The following SLCO1C1 variants were observed in gnomAD, a reference collection of about 807,000 sequenced individuals.
The protein encoded by SLCO1C1 is solute carrier organic anion transporter family member 1C1, also known as OAT-RP-5.
Under a neutral mutation model 76.4 loss-of-function variants are expected in SLCO1C1, and 70 were observed. The ratio of observed to expected loss-of-function variants is 0.92; its 90% CI spans 0.76 to 1.12. The LOEUF is 1.12. Among genes scored for constraint, SLCO1C1 ranks in the 50% most tolerant of loss-of-function variants. The probability of loss-of-function intolerance (pLI) is 0.00; values close to 1 mark genes in which losing one functional copy is unlikely to be tolerated. For synonymous variants in SLCO1C1, 306 were observed against 286.1 expected (o/e 1.07, Z -0.70); for missense variants, 912 against 823.8 (o/e 1.11, Z -1.31).
intron 9 of SLCO1C1, among the ~76,000 whole-genome samples, chr12:20,730,027 T>C (rs929925898): frequency 6.6e-6 from 1 of 152,146 alleles, no homozygotes; most frequent in Admixed American, 6.5e-5. Context: ...GGGAGGTCAA[T>C]GGAATCCAAT....
At chr12:20,737,035 A>G (rs192970881) in intron 10 of SLCO1C1, 72 bp from the exon 11 acceptor site, 1 of 1,315,870 alleles carries the variant, frequency 7.6e-7, no homozygotes. Context: ...ACTCAAGAAC[A>G]TTGATTTTTT....
chr12:20,717,252 T>C (rs565104761), intron 7 of SLCO1C1, 22 bp downstream of exon 7: 1 of 1,557,058 alleles, frequency 6.4e-7, no homozygotes, highest in East Asian at 2.3e-5. Context: ...TATTTTTTAT[T>C]TATTCATGTA....
At chr12:20,725,520 T>C (rs1947935372) in intron 9 of SLCO1C1, among the ~76,000 whole-genome samples, 1 of 147,612 alleles carries the variant, frequency 6.8e-6, no homozygotes, top group Admixed American at 6.8e-5. Flanking sequence ...GAAAACAACA[T>C]TCCACATGTA....
chr12:20,743,184 C>T (rs981562501), intron 12 of SLCO1C1, 121 bp from the exon 13 acceptor site: 1 of 904,080 alleles, frequency 1.1e-6, no homozygotes, highest in Non-Finnish European at 1.7e-6. Flanking sequence ...CCAATGGGTT[C>T]AACATAAATG....
rs749926025 is a variant in SLCO1C1 at position 20,699,712 on chromosome 12, C to A, written c.129+7C>A. On this transcript the variant is annotated splice_region_variant and intron_variant, in intron 2 of 14. Coordinates refer to ENST00000266509, the MANE Select transcript of SLCO1C1 (RefSeq NM_017435.5). ...ATGCTGTGGTGAACTAAAGGTAGAG[C>A]AACCAAGAAGTAAATAGTGTTGATG... 8 of 1,604,264 alleles carry A rather than the reference C, an allele frequency of 5.0e-6. No individual in the cohort carries two copies. Among genetic ancestry groups the A allele is most frequent in the Non-Finnish European group, 6.8e-6 (8 of 1,176,170 alleles).
intron 9 of SLCO1C1, 56 bp downstream of exon 9, chr12:20,723,310 T>C: frequency 6.4e-7 from 1 of 1,558,058 alleles, no homozygotes; most frequent in Non-Finnish European, 8.6e-7. Context: ...AGGTACCTGA[T>C]TAACTCGGGA....
At position 20,750,694 on chromosome 12, in the gene SLCO1C1, G is replaced by C; in HGVS notation, c.1818G>C (p.Val606=). Residue 606 remains valine (V), a synonymous_variant, in exon 14 of 15, where the codon GTG becomes GTC. Transcript: ENST00000266509. ...TCACAGCAGGAATCCCAGCTCCAGT[G>C]TATTTTGGAGTTTTGATTGATACTT... ...IRVLAGIPAP[V]YFGVLIDTSC... 6.2e-7 allele frequency: 1 copy of C among 1,613,954 alleles called. No homozygotes were observed. Among genetic ancestry groups the C allele is most frequent in the Non-Finnish European group, 8.5e-7 (1 of 1,179,872 alleles).
chr12:20,703,438 T>C (rs908370364), intron 3 of SLCO1C1, among the ~76,000 whole-genome samples: 3 of 151,790 alleles, frequency 2.0e-5, no homozygotes, highest in Non-Finnish European at 4.4e-5. Context: ...CTTATTACAT[T>C]AGCCTCAGAA....
rs779933551 is a variant in SLCO1C1, at chr12:20,744,688, G to A, written c.1798+1319G>A. On this transcript the variant is annotated intron_variant, in intron 13 of 14. Transcript: ENST00000266509. ...TAGATTATGTTTATACATTGCTGTT[G>A]GGAAAATGATGTTCTTTATTGGGCA... Among the ~76,000 whole-genome samples the A allele has an allele frequency of 4.2e-4, 64 of 152,108 alleles. No individual in the cohort carries two copies. In the Middle Eastern group the frequency reaches 0.01, roughly 24 times the overall value.
intron 4 of SLCO1C1, among the ~76,000 whole-genome samples, chr12:20,707,490 G>A (rs1251592813): frequency 6.6e-6 from 1 of 152,130 alleles, no homozygotes; most frequent in Non-Finnish European, 1.5e-5. Context: ...TCACTCTGCA[G>A]TGGATCAGTA....
intron 1 of SLCO1C1, among the ~76,000 whole-genome samples, chr12:20,696,262 G>A (rs748916218): frequency 6.6e-6 from 1 of 152,088 alleles, no homozygotes; most frequent in Non-Finnish European, 1.5e-5. Context: ...CTATTTTTTA[G>A]TTTGTCTGAA....
chr12:20,750,350 A>T (rs1949239333), intron 13 of SLCO1C1, among the ~76,000 whole-genome samples: 1 of 152,202 alleles, frequency 6.6e-6, no homozygotes, highest in Admixed American at 6.5e-5. Flanking sequence ...AAGAAGGATC[A>T]ATGATAACTC....
At chr12:20,736,180 A>T (rs1948527574) in intron 10 of SLCO1C1, among the ~76,000 whole-genome samples, 1 of 152,026 alleles carries the variant, frequency 6.6e-6, no homozygotes, top group Non-Finnish European at 1.5e-5. Context: ...CAGAAGGATT[A>T]GGCCATTCAG....
chr12:20,714,182 T>C lies in SLCO1C1; in HGVS notation c.530-957T>C, dbSNP rs1230154449. Among the ~76,000 whole-genome samples the C allele has an allele frequency of 2.0e-5, 3 of 152,190 alleles. No individual in the cohort carries two copies. In the East Asian group the frequency reaches 5.8e-4, roughly 29 times the overall value. ...CACCTTAGTTCTTCACATAATCTATTCTTCACAATCAAAAATTAGTTTAAG... is the reference window on the plus strand; with the variant it reads ...CACCTTAGTTCTTCACATAATCTATCCTTCACAATCAAAAATTAGTTTAAG... On this transcript the variant is annotated intron_variant, in intron 5 of 14. Transcript: ENST00000266509.
intron 9 of SLCO1C1, among the ~76,000 whole-genome samples, chr12:20,730,185 C>T (rs963409395): frequency 2.0e-5 from 3 of 152,146 alleles, no homozygotes; most frequent in Non-Finnish European, 2.9e-5. Context: ...ATACTTTATT[C>T]ATAAACCAAT....
In SLCO1C1 at chr12:20,753,200, T is replaced by C. The variant is rs980912395; in HGVS notation, c.*672T>C. 6.6e-6 allele frequency: 1 copy of C among 152,218 alleles called. No homozygotes were observed. The highest frequency in any genetic ancestry group is 6.5e-5 in the Admixed American group (1 of 15,278). The allele number at this position is 152,218 out of a possible 1,614,324, so 9.4% of individuals were successfully genotyped here. ...TGACTATGGTTGTAAAGTAATAAAA[T>C]TGATGTTAACATGCCCAATTATTGT... On this transcript the variant is annotated 3_prime_UTR_variant, in exon 15 of 15. Coordinates refer to ENST00000266509, the MANE Select transcript of SLCO1C1 (RefSeq NM_017435.5).
chr12:20,711,312 C>A (rs112546214), intron 4 of SLCO1C1, 74 bp from the exon 5 acceptor site: 2 of 1,487,218 alleles, frequency 1.3e-6, no homozygotes, highest in South Asian at 1.3e-5. Context: ...CCTAACGATT[C>A]GTGTAGCATA....
chr12:20,708,814 C>T (rs1294052044), intron 4 of SLCO1C1, among the ~76,000 whole-genome samples: 1 of 152,110 alleles, frequency 6.6e-6, no homozygotes, highest in Non-Finnish European at 1.5e-5. Flanking sequence ...ATTTGAATCA[C>T]CCGAGGCTCT....
intron 14 of SLCO1C1, among the ~76,000 whole-genome samples, chr12:20,751,518 A>T (rs2120949004): frequency 6.6e-6 from 1 of 152,304 alleles, no homozygotes; most frequent in South Asian, 2.1e-4. Flanking sequence ...TTGGATGTGA[A>T]TTGGGCACAC....
Sources: gnomAD v4.1 joint callset for allele counts (sites outside exome capture counted in the v4.1 genomes callset) on GRCh38, gnomAD v4.1.1 for gene constraint, MANE v1.5 for transcripts, NCBI Gene and HGNC (gene_info 2026-07-23, HGNC 2026-07-21) for gene names.